TAB3: variants seen among roughly 807,000 people sequenced by gnomAD.
TAB3 encodes TGF-beta activated kinase 1 (MAP3K7) binding protein 3, also known as TGF-beta-activated kinase 1 and MAP3K7-binding protein 3.
TAB3 carries 18 observed loss-of-function variants against 48.1 expected under a neutral mutation model. The ratio of observed to expected loss-of-function variants is 0.37; its 90% confidence interval spans 0.26 to 0.55. The LOEUF is 0.55. Among genes scored for constraint, TAB3 ranks in the 20% least tolerant of loss-of-function variants. TAB3 has a pLI of 0.78. For synonymous variants in TAB3, 185 were observed against 190.2 expected, an observed-to-expected ratio of 0.97 and a Z score of 0.22; for missense variants, 414 against 549.8, an observed-to-expected ratio of 0.75 and a Z score of 2.47.
chrX:30,839,750 G>C (rs977206412), intron 9 of TAB3, among the ~76,000 whole-genome samples: 2 of 108,959 alleles, frequency 1.8e-5, no homozygotes, highest in East Asian at 2.9e-4. Context: ...AAAGAAATAC[G>C]GGAAGCGTTC....
At position 30,852,838 on chromosome X, in the gene TAB3, C is replaced by T; in HGVS notation, c.1650G>A (p.Met550Ile). 8.3e-7 allele frequency: 1 copy of T among 1,211,589 alleles called. No homozygotes were observed. Among genetic ancestry groups the T allele is most frequent in the South Asian group, 1.8e-5 (1 of 57,008 alleles). Residue 550 changes from methionine (M) to isoleucine (I), a missense_variant, in exon 7 of 11, where the codon ATG becomes ATA. Coordinates refer to ENST00000288422, the MANE Select transcript of TAB3 (RefSeq NM_152787.5). ...GCCGTCTCTGCATCAGGTCATGCTC[C>T]ATACCATTAACTTCAGACTTCAACC... ...LERLKSEVNG[M>I]EHDLMQRRLR...
At chrX:30,885,980 C>A (rs1307916545) in intron 1 of TAB3, among the ~76,000 whole-genome samples, 1 of 111,632 alleles carries the variant, frequency 9.0e-6, no homozygotes, top group Non-Finnish European at 1.9e-5. Context: ...ATGGTAGGAA[C>A]AGCATCAGAA....
chrX:30,880,901 A>AATAATT (rs1389610097), intron 1 of TAB3, among the ~76,000 whole-genome samples: 1 of 111,365 alleles, frequency 9.0e-6, no homozygotes, highest in East Asian at 2.8e-4. Flanking sequence ...ATCCAATCTA[A>AATAATT]ACTGTAAAAT....
rs1055833600 is a variant in TAB3 at position 30,829,373 on chromosome X, GTATATATA to G, written c.*2046_*2053del. The stretch of plus-strand genomic sequence containing the variant: ...AACCTTTTAGCTAGGACACCAAGCA[GTATATATA>G]TATATATTTCCCCTAAATTGTAACT... On this transcript the variant is annotated 3_prime_UTR_variant, in exon 11 of 11. Transcript: ENST00000288422. The G allele has an allele frequency of 9.1e-6, 1 of 110,253 alleles. No individual in the cohort carries two copies. Among genetic ancestry groups the G allele is most frequent in the African/African-American group, 3.3e-5 (1 of 30,297 alleles). The allele number at this position is 110,253 out of a possible 1,213,427, so 9.1% of individuals were successfully genotyped here. A position where few individuals can be genotyped will look rare whatever the true frequency, so the allele number is the denominator to read the frequency against.
chrX:30,839,535 T>TA (rs1159012718), intron 9 of TAB3, among the ~76,000 whole-genome samples: 2 of 110,658 alleles, frequency 1.8e-5, no homozygotes, highest in Non-Finnish European at 3.8e-5. Flanking sequence ...GCTAGCGCCA[T>TA]AAAAAAAGAT....
chrX:30,849,991 T>C (rs1938776131), intron 7 of TAB3, among the ~76,000 whole-genome samples: 1 of 112,182 alleles, frequency 8.9e-6, no homozygotes, highest in African/African-American at 3.2e-5. Flanking sequence ...ATATATTACC[T>C]CATATAATCC....
chrX:30,858,857 A>T (rs1939157880), intron 5 of TAB3, among the ~76,000 whole-genome samples: 1 of 111,937 alleles, frequency 8.9e-6, no homozygotes. Context: ...TGTAAGACAC[A>T]CAGCAAAACA....
intron 1 of TAB3, among the ~76,000 whole-genome samples, chrX:30,886,727 C>A (rs761136256): frequency 8.9e-6 from 1 of 112,738 alleles, no homozygotes; most frequent in African/African-American, 3.2e-5. Flanking sequence ...AGGATGACTA[C>A]CAGACATTTA....
At position 30,842,983 on chromosome X, in the gene TAB3, G is replaced by T; in HGVS notation, c.1871C>A (p.Pro624His). The change falls in exon 9 of 11, where the codon CCC becomes CAC. Residue 624 changes from proline (P) to histidine (H), a missense_variant. Coordinates refer to ENST00000288422, the MANE Select transcript of TAB3 (RefSeq NM_152787.5). ...DNIEPGPVVP[P>H]KPSKKDSSDP... is the part of the protein sequence containing the mutation. ...ATACTCACCTTTTTTAGATGGCTTG[G>T]GTGGTACAACTGGGCCAGGTTCTAT... 8.5e-7 allele frequency: 1 copy of T among 1,172,853 alleles called. No homozygotes were observed. Among genetic ancestry groups the T allele is most frequent in the Non-Finnish European group, 1.1e-6 (1 of 870,525 alleles).
At chrX:30,835,377 G>C (rs76047811) in intron 9 of TAB3, 11 of 122,589 alleles carry the variant, frequency 9.0e-5, no homozygotes, top group African/African-American at 3.6e-4. Context: ...GTAAAGTTCT[G>C]TTTCTTAGAT....
rs1231402668 is a variant in TAB3, at chrX:30,854,586, T to C, written c.1079A>G (p.Lys360Arg). The change falls in exon 6 of 11, where the codon AAA becomes AGA. Residue 360 changes from lysine (K) to arginine (R), a missense_variant. Lys to Arg is a conservative substitution (Grantham distance 26). Transcript: ENST00000288422. ...AATTTCTATCTTCTTCATGGAACCT[T>C]TGGATAAACTAGATGCTGTGTATGG... The part of the protein sequence containing the change: ...YLPYTASSLS[K>R]GSMKKIEITV... 2.5e-6 allele frequency: 3 copies of C among 1,209,681 alleles called. No homozygotes were observed. The highest frequency in any genetic ancestry group is 3.4e-6 in the Non-Finnish European group (3 of 895,068).
At chrX:30,879,778 C>T (rs868312031) in intron 1 of TAB3, among the ~76,000 whole-genome samples, 13 of 110,833 alleles carry the variant, frequency 1.2e-4, no homozygotes, top group African/African-American at 4.3e-4. Flanking sequence ...TATAACATTT[C>T]GAAAGGAAGA....
intron 1 of TAB3, among the ~76,000 whole-genome samples, chrX:30,872,027 G>C (rs1224458104): frequency 8.9e-6 from 1 of 112,018 alleles, no homozygotes; most frequent in Non-Finnish European, 1.9e-5. Context: ...GAGTGCCTAA[G>C]GTAGAGCTTT....
chrX:30,866,513 A>G (rs1224504237), intron 4 of TAB3, among the ~76,000 whole-genome samples: 6 of 111,029 alleles, frequency 5.4e-5, no homozygotes, highest in Non-Finnish European at 1.1e-4. Flanking sequence ...GTAAGGAAGT[A>G]CTAAAAAATC....
intron 1 of TAB3, among the ~76,000 whole-genome samples, chrX:30,872,889 T>G (rs1310257604): frequency 1.8e-5 from 2 of 111,868 alleles, no homozygotes; most frequent in East Asian, 5.6e-4. Flanking sequence ...CAAGCACTCT[T>G]GCCCACCCCT....
At chrX:30,873,944 C>T (rs1002107951) in intron 1 of TAB3, among the ~76,000 whole-genome samples, 1 of 111,071 alleles carries the variant, frequency 9.0e-6, no homozygotes, top group Non-Finnish European at 1.9e-5. Flanking sequence ...GAAGGCAAGG[C>T]GGGAGGATCC....
At chrX:30,877,093 G>A (rs968152468) in intron 1 of TAB3, among the ~76,000 whole-genome samples, 2 of 112,005 alleles carry the variant, frequency 1.8e-5, no homozygotes, top group Admixed American at 9.5e-5. Flanking sequence ...TGGAGGGGCA[G>A]CAGGGGCAGA....
At chrX:30,848,233 C>T (rs1175491560) in intron 7 of TAB3, among the ~76,000 whole-genome samples, 1 of 112,008 alleles carries the variant, frequency 8.9e-6, no homozygotes, top group African/African-American at 3.2e-5. Context: ...CGAAAACATA[C>T]TTTCATCAGG....
rs181647960 is a variant in TAB3, at chrX:30,856,587, T to C, written c.103-1025A>G. Among the ~76,000 whole-genome samples, 513 of 112,350 alleles carry C rather than the reference T, an allele frequency of 4.6e-3. 3 individuals carry two copies. The highest frequency in any genetic ancestry group is 0.016 in the African/African-American group (483 of 31,001). Reference sequence around the variant, plus strand: ...AAGTTTCCCAATTATTGTGACCTTCTCTGTAGTTCATAAATATACACACAG... The same window carrying C: ...AAGTTTCCCAATTATTGTGACCTTCCCTGTAGTTCATAAATATACACACAG... On this transcript the variant is annotated intron_variant, in intron 5 of 10. Coordinates refer to ENST00000288422, the MANE Select transcript of TAB3 (RefSeq NM_152787.5).
Sources: allele counts gnomAD v4.1 joint callset (sites outside exome capture counted in the v4.1 genomes callset), GRCh38; gene constraint gnomAD v4.1.1; transcripts MANE v1.5; gene names NCBI Gene and HGNC (gene_info 2026-07-23, HGNC 2026-07-21).